Variants in RGS22 observed in about 807,000 individuals in gnomAD.
RGS22 encodes regulator of G protein signaling 22, also known as regulator of G-protein signaling 22.
A neutral mutation model predicts 172.9 loss-of-function variants in RGS22; 148 were observed. The observed-to-expected ratio is 0.86, with a 90% CI of 0.75 to 0.98. The LOEUF (loss-of-function observed/expected upper bound fraction) is 0.98. Among genes scored for constraint, RGS22 ranks in the 50% least tolerant of loss-of-function variants. RGS22 has a pLI of 0.00. For missense variants in RGS22, 1,347 were observed against 1,440.8 expected (o/e 0.93, Z 1.05); for synonymous variants, 458 against 480.2 (o/e 0.95, Z 0.60).
At chr8:100,008,604 A>G in intron 14 of RGS22, 35 bp from the exon 15 acceptor site, 1 of 1,531,396 alleles carries the variant, frequency 6.5e-7, no homozygotes, top group South Asian at 1.2e-5. Context: ...AGAAGATGTT[A>G]AGAGAAGCCA....
chr8:100,100,209 G>C (rs1813355600), intron 2 of RGS22, among the ~76,000 whole-genome samples: 1 of 151,704 alleles, frequency 6.6e-6, no homozygotes, highest in South Asian at 2.1e-4. Context: ...ATCAACTCTA[G>C]ATTTCTTACA....
At chr8:99,979,408 T>C (rs913941726) in intron 22 of RGS22, among the ~76,000 whole-genome samples, 3 of 152,236 alleles carry the variant, frequency 2.0e-5, no homozygotes, top group African/African-American at 7.2e-5. Flanking sequence ...GGTTAATATA[T>C]ATTGTTAATT....
intron 2 of RGS22, among the ~76,000 whole-genome samples, chr8:100,102,417 A>G (rs1467333369): frequency 6.6e-6 from 1 of 152,186 alleles, no homozygotes; most frequent in East Asian, 1.9e-4. Flanking sequence ...TCCGTGACAC[A>G]TTTTTCCTAA....
chr8:100,018,399 A>C (rs79560824), intron 14 of RGS22, among the ~76,000 whole-genome samples: 2 of 149,774 alleles, frequency 1.3e-5, no homozygotes, highest in Admixed American at 6.8e-5. Flanking sequence ...AGCAGAAAAA[A>C]GAATGGAGAA....
chr8:100,032,921 A>G (rs141984864), intron 14 of RGS22, among the ~76,000 whole-genome samples: 2,911 of 152,032 alleles, frequency 0.019, 85 homozygotes, highest in East Asian at 0.11. Context: ...ATGACTACTG[A>G]GTAAATAACG....
chr8:100,005,393 A>C (rs2131351220), intron 16 of RGS22, among the ~76,000 whole-genome samples: 1 of 152,282 alleles, frequency 6.6e-6, no homozygotes, highest in East Asian at 1.9e-4. Context: ...TGTTCCAAAA[A>C]TTTTAATATA....
At chr8:99,976,112 C>T (rs902136317) in intron 23 of RGS22, among the ~76,000 whole-genome samples, 6 of 152,118 alleles carry the variant, frequency 3.9e-5, no homozygotes, top group Admixed American at 1.3e-4. Flanking sequence ...ATCACTTGAA[C>T]CTGGGAAGCA....
At chr8:99,979,661 C>A (rs1321030527) in intron 22 of RGS22, among the ~76,000 whole-genome samples, 1 of 152,164 alleles carries the variant, frequency 6.6e-6, no homozygotes, top group African/African-American at 2.4e-5. Flanking sequence ...TTTAAATTTA[C>A]TATTCAGCCC....
At chr8:100,036,869 G>C (rs955368496) in intron 14 of RGS22, among the ~76,000 whole-genome samples, 1 of 152,102 alleles carries the variant, frequency 6.6e-6, no homozygotes, top group Non-Finnish European at 1.5e-5. Context: ...AAAGTACTGG[G>C]ATTACAGGCA....
chr8:100,025,261 C>T (rs1156491547), intron 14 of RGS22, among the ~76,000 whole-genome samples: 2 of 152,164 alleles, frequency 1.3e-5, no homozygotes, highest in Non-Finnish European at 2.9e-5. Context: ...CTCAGTGATT[C>T]ACAGTGTTCA....
chr8:100,048,415 C>G (rs188347577), intron 10 of RGS22, among the ~76,000 whole-genome samples: 1 of 152,144 alleles, frequency 6.6e-6, no homozygotes, highest in African/African-American at 2.4e-5. Context: ...TCTCCAGTTT[C>G]CAAATTTACA....
chr8:100,041,185 C>A (rs901775195), intron 12 of RGS22, among the ~76,000 whole-genome samples: 2 of 152,078 alleles, frequency 1.3e-5, no homozygotes, highest in Non-Finnish European at 1.5e-5. Flanking sequence ...AAACACCCTG[C>A]CCTTTAAAAA....
In RGS22 at chr8:100,038,994, C is replaced by T; in HGVS notation, c.2103G>A (p.Gln701=). 1 of 1,612,858 alleles carries T rather than the reference C, an allele frequency of 6.2e-7. No individual in the cohort carries two copies. Among genetic ancestry groups the T allele is most frequent in the Non-Finnish European group, 8.5e-7 (1 of 1,179,328 alleles). Residue 701 remains glutamine (Q), a synonymous_variant, in exon 14 of 28, where the codon CAG becomes CAA. Coordinates refer to ENST00000360863, the MANE Select transcript of RGS22 (RefSeq NM_015668.5). ...CTTGGTAGAAAAGCTGATGATAAGC[C>T]TGCAGGTCAAACCAAAAGTACACAC... ...KNSVYFWFDL[Q]AYHQLFYQET...
At chr8:99,962,583 G>A (rs573121471) in intron 26 of RGS22, 104 bp downstream of exon 26, 69 of 1,378,522 alleles carry the variant, frequency 5.0e-5, no homozygotes, top group African/African-American at 1.0e-4. Flanking sequence ...TGGAGGGGTC[G>A]GTCCTCACCC....
chr8:100,071,529 T>C lies in RGS22; in HGVS notation c.434A>G (p.Lys145Arg), dbSNP rs1429476853. ...SDCYFEYRLA[K>R]LVSQVRWSKS... ...GCTCCATCTTACTTGTGAGACCAAT[T>C]TGGCTAACCTGCATTTTAGAAATCA... Residue 145 changes from lysine (K) to arginine (R), a missense_variant, in exon 6 of 28, where the codon AAA becomes AGA. Physicochemically the swap from Lys to Arg is conservative, Grantham distance 26. Coordinates refer to ENST00000360863, the MANE Select transcript of RGS22 (RefSeq NM_015668.5). 1 of 1,593,424 alleles carries C rather than the reference T, an allele frequency of 6.3e-7. No homozygotes were observed. The highest frequency in any genetic ancestry group is 8.5e-7 in the Non-Finnish European group (1 of 1,172,348).
chr8:100,068,640 G>GA (rs1810716051), intron 6 of RGS22, among the ~76,000 whole-genome samples: 1 of 151,908 alleles, frequency 6.6e-6, no homozygotes, highest in Non-Finnish European at 1.5e-5. Flanking sequence ...TAAATTAAGG[G>GA]AAAAAATATG....
At chr8:99,963,527 C>T (rs1004439408) in intron 24 of RGS22, among the ~76,000 whole-genome samples, 1 of 152,156 alleles carries the variant, frequency 6.6e-6, no homozygotes, top group African/African-American at 2.4e-5. Flanking sequence ...CAAAATCTAT[C>T]TAAAACAAAT....
chr8:100,063,601 A>T lies in RGS22; in HGVS notation c.1167T>A (p.Asn389Lys), dbSNP rs773962187. The T allele has an allele frequency of 1.2e-5, 20 of 1,613,980 alleles. No homozygotes were observed. The highest frequency in any genetic ancestry group is 3.3e-5 in the Admixed American group (2 of 59,980). ...CCCTGCTCTCTGGTCCAGCGCTCTC[A>T]TTCTTTGAACTTAAACTTGTTTGTT... The part of the protein sequence containing the change: ...EIEQTSLSSK[N>K]ESAGPESRAD... The change falls in exon 8 of 28, where the codon AAT becomes AAA. Residue 389 changes from asparagine to lysine, a missense_variant. Transcript: ENST00000360863.
At position 100,036,894 on chromosome 8, in the gene RGS22, T is replaced by C. The variant is rs948118366; in HGVS notation, c.2166+2037A>G. 5.9e-5 allele frequency among the ~76,000 whole-genome samples: 9 copies of C among 152,276 alleles called. No homozygotes were observed. The East Asian group carries it at 1.5e-3, about 26-fold the overall frequency. On this transcript the variant is annotated intron_variant, in intron 14 of 27. Coordinates refer to ENST00000360863, the MANE Select transcript of RGS22 (RefSeq NM_015668.5). ...GATTACAGGCATGAGCTAACACGCC[T>C]GGCCCATAGCAATTTTTACATAGTC...
Sources: gnomAD v4.1 joint callset for allele counts (sites outside exome capture counted in the v4.1 genomes callset) on GRCh38, gnomAD v4.1.1 for gene constraint, MANE v1.5 for transcripts, NCBI Gene and HGNC (gene_info 2026-07-23, HGNC 2026-07-21) for gene names.